MCU: variants seen among roughly 807,000 people sequenced by gnomAD.
MCU encodes the protein mitochondrial calcium uniporter.
In MCU, 12 loss-of-function variants were observed where a neutral mutation model predicts 45.2. The observed-to-expected ratio is 0.27, with a 90% confidence interval of 0.17 to 0.43. The LOEUF (loss-of-function observed/expected upper bound fraction) is 0.43. MCU is among the 20% of genes least tolerant of loss of function. MCU has a pLI of 1.00. For missense variants in MCU, 324 were observed against 436.7 expected (o/e 0.74, Z 2.30); for synonymous variants, 160 against 165.1 (o/e 0.97, Z 0.24).
At chr10:72,727,642 G>A (rs1235311670) in intron 1 of MCU, among the ~76,000 whole-genome samples, 1 of 152,074 alleles carries the variant, frequency 6.6e-6, no homozygotes, top group Non-Finnish European at 1.5e-5. Flanking sequence ...GTTGGTTCCC[G>A]AGTATGTATT....
rs138031439 is a variant in MCU at position 72,831,016 on chromosome 10, T to A, written c.151-3343T>A. On this transcript the variant is annotated intron_variant, in intron 1 of 7. Coordinates refer to ENST00000373053, the MANE Select transcript of MCU (RefSeq NM_138357.3). ...CATGAGTCCTACTTCTACAGGAAGA[T>A]GTGCAGCCAACCAAGAAATGAAAGG... 5.9e-3 allele frequency among the ~76,000 whole-genome samples: 905 copies of A among 152,316 alleles called. 12 individuals are homozygous for A. Among genetic ancestry groups the A allele is most frequent in the African/African-American group, 0.021 (853 of 41,576 alleles).
intron 1 of MCU, among the ~76,000 whole-genome samples, chr10:72,776,502 T>C (rs1474955686): frequency 6.6e-6 from 1 of 152,120 alleles, no homozygotes; most frequent in Non-Finnish European, 1.5e-5. Context: ...AAAAATCATT[T>C]GATAAAATTC....
At chr10:72,714,780 G>A (rs1217969909) in intron 1 of MCU, among the ~76,000 whole-genome samples, 1 of 150,828 alleles carries the variant, frequency 6.6e-6, no homozygotes, top group East Asian at 1.9e-4. Context: ...CCAACTTCAG[G>A]TGATCTGCCC....
chr10:72,843,750 C>T (rs528481522), intron 2 of MCU, among the ~76,000 whole-genome samples: 3 of 152,182 alleles, frequency 2.0e-5, no homozygotes, highest in South Asian at 2.1e-4. Context: ...TTTTGTATTC[C>T]GAACAGTAAT....
intron 4 of MCU, among the ~76,000 whole-genome samples, chr10:72,866,635 T>G (rs1403818434): frequency 6.6e-6 from 1 of 152,162 alleles, no homozygotes; most frequent in Non-Finnish European, 1.5e-5. Flanking sequence ...GACCTCGTGA[T>G]TCGTCCACCT....
intron 1 of MCU, among the ~76,000 whole-genome samples, chr10:72,832,426 G>A (rs7904238): frequency 0.62 from 94,968 of 151,958 alleles, 31,209 homozygotes; most frequent in African/African-American, 0.72. Context: ...ACACAAAGAT[G>A]TAACAGGCAT....
intron 1 of MCU, among the ~76,000 whole-genome samples, chr10:72,821,411 T>C (rs933442663): frequency 6.6e-6 from 1 of 152,202 alleles, no homozygotes; most frequent in South Asian, 2.1e-4. Flanking sequence ...TGTGTATTCC[T>C]TCTAGAAAAC....
chr10:72,705,508 C>T (rs1179723856), intron 1 of MCU, among the ~76,000 whole-genome samples: 1 of 151,500 alleles, frequency 6.6e-6, no homozygotes, highest in Non-Finnish European at 1.5e-5. Flanking sequence ...ATGGTAAAAC[C>T]CTGTCTCTAC....
At position 72,745,076 on chromosome 10, in the gene MCU, G is replaced by A. The variant is rs148037005; in HGVS notation, c.150+52775G>A. Among the ~76,000 whole-genome samples, 1,161 of 151,906 alleles carry A rather than the reference G, an allele frequency of 7.6e-3. 17 individuals are homozygous for A. The highest frequency in any genetic ancestry group is 0.026 in the African/African-American group (1,096 of 41,432). On this transcript the variant is annotated intron_variant, in intron 1 of 7. Coordinates refer to ENST00000373053, the MANE Select transcript of MCU (RefSeq NM_138357.3). Reference sequence around the variant, plus strand: ...AAATTGTTTTTGGGTTAGTCTGCATGCATTAAAAAAACCTATTTATAAACT... The same window carrying A: ...AAATTGTTTTTGGGTTAGTCTGCATACATTAAAAAAACCTATTTATAAACT...
At chr10:72,850,602 T>C (rs575196321) in intron 2 of MCU, among the ~76,000 whole-genome samples, 3 of 152,342 alleles carry the variant, frequency 2.0e-5, no homozygotes, top group Admixed American at 1.3e-4. Flanking sequence ...CAACTCCTGA[T>C]GCCTCAAAGG....
intron 1 of MCU, among the ~76,000 whole-genome samples, chr10:72,695,919 C>A (rs1842680723): frequency 6.6e-6 from 1 of 151,476 alleles, no homozygotes; most frequent in Non-Finnish European, 1.5e-5. Context: ...ATCCCAGCAA[C>A]TAGGGAGGCT....
chr10:72,872,865 A>G (rs905699274), intron 6 of MCU, among the ~76,000 whole-genome samples: 3 of 152,006 alleles, frequency 2.0e-5, no homozygotes, highest in Non-Finnish European at 4.4e-5. Context: ...CATAATGGCT[A>G]TACTAATTTA....
Position 72,887,545 on chromosome 10 carries a change from G to A in MCU, c.*1723G>A, listed in dbSNP as rs1357509125. 1.3e-5 allele frequency: 2 copies of A among 152,784 alleles called. No homozygotes were observed. The highest frequency in any genetic ancestry group is 2.9e-5 in the Non-Finnish European group (2 of 68,050). 9.5% of individuals were successfully genotyped at this position (152,784 alleles called of 1,614,324 possible). On this transcript the variant is annotated 3_prime_UTR_variant, in exon 8 of 8. Coordinates refer to ENST00000373053, the MANE Select transcript of MCU (RefSeq NM_138357.3). ...TGCAACGAGCAAATCTTTTTGGGGT[G>A]TGTGGGAAGCAAGGGAGGGAGGACA...
At chr10:72,807,796 C>G (rs892053837) in intron 1 of MCU, among the ~76,000 whole-genome samples, 3 of 152,120 alleles carry the variant, frequency 2.0e-5, no homozygotes, top group Non-Finnish European at 4.4e-5. Flanking sequence ...CCAAGAACAT[C>G]TATTATTCAT....
intron 1 of MCU, among the ~76,000 whole-genome samples, chr10:72,826,493 C>T (rs1844800631): frequency 6.6e-6 from 1 of 152,052 alleles, no homozygotes; most frequent in African/African-American, 2.4e-5. Flanking sequence ...AACTATTTCC[C>T]CAATATTGTT....
At chr10:72,871,683 C>T in intron 6 of MCU, 103 bp downstream of exon 6, 1 of 943,694 alleles carries the variant, frequency 1.1e-6, no homozygotes, top group Non-Finnish European at 1.6e-6. Context: ...TCTTTAAGTA[C>T]TCATCCTTTA....
At chr10:72,803,773 ATTG>A (rs1844377458) in intron 1 of MCU, among the ~76,000 whole-genome samples, 1 of 151,472 alleles carries the variant, frequency 6.6e-6, no homozygotes, top group Non-Finnish European at 1.5e-5. Context: ...GAAATTATTT[ATTG>A]TTTTTCTGTA....
intron 5 of MCU, among the ~76,000 whole-genome samples, chr10:72,869,787 A>G (rs1845513039): frequency 6.6e-6 from 1 of 152,192 alleles, no homozygotes; most frequent in South Asian, 2.1e-4. Context: ...TTTAACATCT[A>G]TGTATTTTGA....
At chr10:72,834,815 A>T (rs1033661546) in intron 2 of MCU, among the ~76,000 whole-genome samples, 3 of 152,100 alleles carry the variant, frequency 2.0e-5, no homozygotes, top group African/African-American at 4.8e-5. Context: ...GAGCACCACC[A>T]TGCCCAACTA....
Sources: gnomAD v4.1 joint callset for allele counts (sites outside exome capture counted in the v4.1 genomes callset) on GRCh38, gnomAD v4.1.1 for gene constraint, MANE v1.5 for transcripts, NCBI Gene and HGNC (gene_info 2026-07-23, HGNC 2026-07-21) for gene names.